Variants in KCNK10 observed in about 807,000 individuals in gnomAD.
KCNK10 encodes the protein potassium two pore domain channel subfamily K member 10, also known as potassium channel subfamily K member 10.
Under a neutral mutation model 47.7 loss-of-function variants are expected in KCNK10, and 25 were observed. The ratio of observed to expected loss-of-function variants is 0.52; its 90% CI spans 0.38 to 0.73. KCNK10 has a LOEUF of 0.73. Among genes scored for constraint, KCNK10 ranks in the 30% least tolerant of loss-of-function variants. The pLI, the probability that KCNK10 is intolerant of heterozygous loss-of-function variation, is 0.00. For missense variants in KCNK10, 563 were observed against 714.5 expected (o/e 0.79, Z 2.42); for synonymous variants, 303 against 285.6 (o/e 1.06, Z -0.61).
chr14:88,227,981 G>T (rs1347580540), intron 3 of KCNK10, among the ~76,000 whole-genome samples: 1 of 152,126 alleles, frequency 6.6e-6, no homozygotes, highest in Non-Finnish European at 1.5e-5. Flanking sequence ...AAGGGTAATG[G>T]GTACCCCATA....
intron 2 of KCNK10, among the ~76,000 whole-genome samples, chr14:88,254,497 A>G (rs1004067109): frequency 6.6e-6 from 1 of 152,240 alleles, no homozygotes; most frequent in African/African-American, 2.4e-5. Context: ...GGGAAACATC[A>G]GAATTCATAA....
At chr14:88,288,626 C>G (rs1887817689) in intron 1 of KCNK10, among the ~76,000 whole-genome samples, 1 of 152,228 alleles carries the variant, frequency 6.6e-6, no homozygotes, top group Admixed American at 6.5e-5. Context: ...GTTCCCACAA[C>G]TCCCTGAGGA....
At chr14:88,290,458 C>A (rs546127645) in intron 1 of KCNK10, among the ~76,000 whole-genome samples, 1 of 152,258 alleles carries the variant, frequency 6.6e-6, no homozygotes, top group South Asian at 2.1e-4. Context: ...CTTGTTATAG[C>A]AGCAAGAGGA....
intron 2 of KCNK10, among the ~76,000 whole-genome samples, chr14:88,258,834 C>T (rs970516442): frequency 3.9e-5 from 6 of 152,176 alleles, no homozygotes; most frequent in African/African-American, 9.7e-5. Flanking sequence ...TCCCTCCCCA[C>T]GATGGCTGTA....
chr14:88,317,677 T>C (rs748317581), intron 1 of KCNK10, among the ~76,000 whole-genome samples: 11 of 152,236 alleles, frequency 7.2e-5, no homozygotes, highest in African/African-American at 1.4e-4. Context: ...ACATAAATCA[T>C]TTATCCTTTC....
intron 4 of KCNK10, among the ~76,000 whole-genome samples, chr14:88,209,197 G>A (rs1885377450): frequency 6.6e-6 from 1 of 152,146 alleles, no homozygotes; most frequent in African/African-American, 2.4e-5. Context: ...CTTCCTTTAG[G>A]ATCTTTTAGT....
chr14:88,281,224 T>C (rs1185438962), intron 1 of KCNK10, among the ~76,000 whole-genome samples: 1 of 152,220 alleles, frequency 6.6e-6, no homozygotes, highest in African/African-American at 2.4e-5. Context: ...CTCCTTCCCA[T>C]TCTTTGGGTC....
intron 4 of KCNK10, among the ~76,000 whole-genome samples, chr14:88,223,706 T>TTTTG (rs1178338728): frequency 1.3e-5 from 2 of 152,162 alleles, no homozygotes; most frequent in Non-Finnish European, 2.9e-5. Context: ...TAAAAGGCGT[T>TTTTG]TTTGTTTGTT....
chr14:88,306,918 T>G (rs1888213769), intron 1 of KCNK10, among the ~76,000 whole-genome samples: 1 of 152,172 alleles, frequency 6.6e-6, no homozygotes, highest in Non-Finnish European at 1.5e-5. Context: ...GTCAACACTA[T>G]GTGAGTATAC....
rs1367686419 is a variant in KCNK10 at position 88,187,993 on chromosome 14, C to T, written c.985G>A (p.Val329Ile). 1 of 1,614,112 alleles carries T rather than the reference C, an allele frequency of 6.2e-7. No homozygotes were observed. Among genetic ancestry groups the T allele is most frequent in the South Asian group, 1.1e-5 (1 of 91,072 alleles). ...TCTTCTTTTGTCTTTTTGGACAGAA[C>T]CCGTAGCCAATCTCCGATCATACTG... ...VLSMIGDWLR[V>I]LSKKTKEEVG... Residue 329 changes from valine (V) to isoleucine (I), a missense_variant, in exon 6 of 7, where the codon GTT becomes ATT. Transcript: ENST00000319231.
chr14:88,218,186 C>T (rs1030229226), intron 4 of KCNK10, among the ~76,000 whole-genome samples: 5 of 152,150 alleles, frequency 3.3e-5, no homozygotes, highest in African/African-American at 1.2e-4. Context: ...TTTAAGTTAA[C>T]CCTTTTGCTG....
At chr14:88,294,933 A>G (rs902822528) in intron 1 of KCNK10, among the ~76,000 whole-genome samples, 1 of 152,216 alleles carries the variant, frequency 6.6e-6, no homozygotes, top group Non-Finnish European at 1.5e-5. Flanking sequence ...ACATTCATGA[A>G]TATTCTAATT....
chr14:88,277,721 G>A (rs544415434), intron 1 of KCNK10, among the ~76,000 whole-genome samples: 4 of 152,272 alleles, frequency 2.6e-5, no homozygotes, highest in Admixed American at 6.5e-5. Flanking sequence ...AAATGTGGCC[G>A]AAGGAAGGCA....
At chr14:88,242,518 A>C (rs1309088537) in intron 2 of KCNK10, among the ~76,000 whole-genome samples, 1 of 152,216 alleles carries the variant, frequency 6.6e-6, no homozygotes, top group African/African-American at 2.4e-5. Context: ...TCGTGAGTCT[A>C]TTCTTTTCTG....
intron 1 of KCNK10, among the ~76,000 whole-genome samples, chr14:88,267,285 T>C (rs967124178): frequency 1.3e-5 from 2 of 152,214 alleles, no homozygotes; most frequent in African/African-American, 4.8e-5. Context: ...AGGGACTTGG[T>C]TGTTTTGGCA....
chr14:88,235,787 C>T (rs1295958929), intron 3 of KCNK10, among the ~76,000 whole-genome samples: 1 of 151,938 alleles, frequency 6.6e-6, no homozygotes, highest in Non-Finnish European at 1.5e-5. Context: ...AGAACAAAAC[C>T]AAAACCACAC....
chr14:88,263,134 A>T, intron 2 of KCNK10, 68 bp downstream of exon 2: 1 of 1,306,362 alleles, frequency 7.7e-7, no homozygotes, highest in Non-Finnish European at 1.1e-6. Context: ...CTAGAGACCC[A>T]GAAAGATAAA....
At chr14:88,231,623 G>C (rs1408873524) in intron 3 of KCNK10, among the ~76,000 whole-genome samples, 1 of 152,192 alleles carries the variant, frequency 6.6e-6, no homozygotes, top group Non-Finnish European at 1.5e-5. Context: ...TAGTTACGGG[G>C]GACCCACCAG....
intron 3 of KCNK10, among the ~76,000 whole-genome samples, chr14:88,234,217 G>T (rs763326030): frequency 6.6e-6 from 1 of 152,176 alleles, no homozygotes; most frequent in Non-Finnish European, 1.5e-5. Flanking sequence ...GACCTAACCT[G>T]GCCTAGAGTG....
Sources: allele counts gnomAD v4.1 joint callset (sites outside exome capture counted in the v4.1 genomes callset), GRCh38; gene constraint gnomAD v4.1.1; transcripts MANE v1.5; gene names NCBI Gene and HGNC (gene_info 2026-07-23, HGNC 2026-07-21).